Variants in ZNF821 observed in about 807,000 individuals in gnomAD.
ZNF821 encodes zinc finger protein 821.
ZNF821 carries 16 observed loss-of-function variants against 44.3 expected under a neutral mutation model. The observed-to-expected ratio is 0.36, with a 90% CI of 0.24 to 0.55. The LOEUF is 0.55. Ranked by LOEUF, ZNF821 falls within the 20% of genes least tolerant of loss-of-function variation. The probability of loss-of-function intolerance (pLI) is 0.86; values close to 1 mark genes in which losing one functional copy is unlikely to be tolerated. For missense variants in ZNF821, 436 were observed against 547.6 expected, an observed-to-expected ratio of 0.80 and a Z score of 2.03; for synonymous variants, 204 against 197.6, an observed-to-expected ratio of 1.03 and a Z score of -0.27.
At chr16:71,887,056 G>T (rs2036861398), upstream of ZNF821, among the ~76,000 whole-genome samples, 1 of 152,106 alleles carries the variant, frequency 6.6e-6, no homozygotes. Context: ...CTGTTGTATG[G>T]ATATGCCACA....
chr16:71,887,856 CT>C (rs555295344), upstream of ZNF821, among the ~76,000 whole-genome samples: 479 of 133,596 alleles, frequency 3.6e-3, no homozygotes, highest in Middle Eastern at 7.9e-3. Flanking sequence ...ATTGAGTTGT[CT>C]TTTTTTTTTT....
chr16:71,861,347 G>C (rs1235830165), intron 7 of ZNF821, among the ~76,000 whole-genome samples: 1 of 152,198 alleles, frequency 6.6e-6, no homozygotes, highest in Non-Finnish European at 1.5e-5. Context: ...GCAAGGTGCA[G>C]ACCACCAACT....
chr16:71,870,704 T>C (rs553001605), intron 3 of ZNF821, among the ~76,000 whole-genome samples: 16 of 152,266 alleles, frequency 1.1e-4, no homozygotes, highest in African/African-American at 3.4e-4. Context: ...GGTCTTGAAC[T>C]CCTGACCTCA....
chr16:71,869,188 C>G (rs1485048535), intron 3 of ZNF821, among the ~76,000 whole-genome samples: 1 of 152,150 alleles, frequency 6.6e-6, no homozygotes, highest in Non-Finnish European at 1.5e-5. Context: ...ATTCACCAGA[C>G]AGCAAGAGGG....
intron 3 of ZNF821, 119 bp from the exon 4 acceptor site, chr16:71,868,156 C>T: frequency 8.5e-7 from 1 of 1,178,236 alleles, no homozygotes. Context: ...GTGGTGGAGT[C>T]ATTCATCTCC....
At chr16:71,889,087 T>A (rs1056887814), upstream of ZNF821, among the ~76,000 whole-genome samples, 1 of 151,792 alleles carries the variant, frequency 6.6e-6, no homozygotes, top group African/African-American at 2.4e-5. Context: ...TCTACAAAAA[T>A]GTTTTTTAAA....
upstream of ZNF821, among the ~76,000 whole-genome samples, chr16:71,888,103 C>G (rs1030955989): frequency 6.6e-6 from 1 of 151,992 alleles, no homozygotes; most frequent in Non-Finnish European, 1.5e-5. Context: ...TCTGGAACAC[C>G]TAGGCTCAAG....
Position 71,860,405 on chromosome 16 carries a change from C to CCGG in ZNF821, c.849_851dup (p.Arg285dup). The CCGG allele has an allele frequency of 6.2e-7, 1 of 1,612,824 alleles. No individual in the cohort carries two copies. The highest frequency in any genetic ancestry group is 8.5e-7 in the Non-Finnish European group (1 of 1,180,026). Reference sequence around the variant, plus strand: ...GCTCCTCGGGGGTCTCATTGTCCCGCCGGCTCTTCTTGGCCGTGCGCTCTC... The same window carrying CCGG: ...GCTCCTCGGGGGTCTCATTGTCCCGCCGGCGGCTCTTCTTGGCCGTGCGCTCTC... On this transcript the variant is annotated inframe_insertion, in exon 8 of 8. Transcript: ENST00000425432. The surrounding 1 kb of genome is among the most constrained non-coding windows in gnomAD (Gnocchi z 7.3).
chr16:71,878,774 A>G (rs1310057808), intron 3 of ZNF821, among the ~76,000 whole-genome samples: 3 of 152,078 alleles, frequency 2.0e-5, no homozygotes, highest in Non-Finnish European at 4.4e-5. Flanking sequence ...TACTAAAAAT[A>G]CAAAAAAATT....
At chr16:71,893,440 G>C (rs753934891) in intron 1 of ZNF821, among the ~76,000 whole-genome samples, 1 of 151,636 alleles carries the variant, frequency 6.6e-6, no homozygotes, top group Non-Finnish European at 1.5e-5. Flanking sequence ...AGGATTACAG[G>C]CGTGAGCCAC....
At chr16:71,894,668 A>G in intron 1 of ZNF821, 2 of 562,792 alleles carry the variant, frequency 3.6e-6, no homozygotes, top group East Asian at 3.0e-5. Context: ...TGAGACCACA[A>G]GTGCTCACTG....
upstream of ZNF821, among the ~76,000 whole-genome samples, chr16:71,885,882 G>A (rs2036835546): frequency 6.6e-6 from 1 of 152,180 alleles, no homozygotes; most frequent in African/African-American, 2.4e-5. Context: ...CAACCCGCAA[G>A]TGTTTGTACT....
upstream of ZNF821, among the ~76,000 whole-genome samples, chr16:71,887,109 C>G (rs1349665760): frequency 6.6e-6 from 1 of 152,076 alleles, no homozygotes; most frequent in African/African-American, 2.4e-5. Flanking sequence ...TTGGCTTGGG[C>G]CTACTTTTTG....
chr16:71,861,734 G>A (rs1435942338), intron 7 of ZNF821, 42 bp downstream of exon 7: 3 of 1,608,290 alleles, frequency 1.9e-6, no homozygotes, highest in Non-Finnish European at 2.6e-6. Context: ...CTCACACCCA[G>A]TAATTTGCTC....
intron 1 of ZNF821, among the ~76,000 whole-genome samples, chr16:71,893,411 C>T (rs1196015506): frequency 6.6e-6 from 1 of 151,928 alleles, no homozygotes; most frequent in Non-Finnish European, 1.5e-5. Context: ...ATCCACTCGC[C>T]TCAGCCTCCC....
chr16:71,877,319 G>T (rs547743335), intron 3 of ZNF821, among the ~76,000 whole-genome samples: 80 of 152,176 alleles, frequency 5.3e-4, no homozygotes, highest in Non-Finnish European at 1.0e-3. Context: ...GGAGTGCAGT[G>T]GCATAATCTT....
At position 71,870,683 on chromosome 16, in the gene ZNF821, T is replaced by G. The variant is rs534750931; in HGVS notation, c.41-2646A>C. Among the ~76,000 whole-genome samples, 17 of 152,256 alleles carry G rather than the reference T, an allele frequency of 1.1e-4. No individual in the cohort carries two copies. In the South Asian group the frequency reaches 3.3e-3, roughly 30 times the overall value. ...TTAGTAGAGATGGGGTTTCACCATGTTGGCCAGGCTGGTCTTGAACTCCTG... is the reference window on the plus strand; with the variant it reads ...TTAGTAGAGATGGGGTTTCACCATGGTGGCCAGGCTGGTCTTGAACTCCTG... On this transcript the variant is annotated intron_variant, in intron 3 of 7. Transcript: ENST00000425432.
intron 3 of ZNF821, among the ~76,000 whole-genome samples, chr16:71,875,282 C>CT (rs910541542): frequency 7.2e-5 from 11 of 151,908 alleles, no homozygotes; most frequent in Non-Finnish European, 1.3e-4. Flanking sequence ...ATCTGTTTTT[C>CT]TTTTTTTCCT....
intron 2 of ZNF821, chr16:71,881,518 G>C (rs2036421438): frequency 6.6e-6 from 1 of 152,190 alleles, no homozygotes; most frequent in South Asian, 2.1e-4. Context: ...AATATACTGA[G>C]TGCTGATAGT....
Sources: allele counts gnomAD v4.1 joint callset (sites outside exome capture counted in the v4.1 genomes callset), GRCh38; gene constraint gnomAD v4.1.1; non-coding constraint Gnocchi (gnomAD v3.1); transcripts MANE v1.5; gene names NCBI Gene and HGNC (gene_info 2026-07-23, HGNC 2026-07-21).